RDX: variants seen among roughly 807,000 people sequenced by gnomAD.
RDX encodes the protein deafness, autosomal recessive 24.
A neutral mutation model predicts 83.7 loss-of-function variants in RDX; 32 were observed. The ratio of observed to expected loss-of-function variants is 0.38; its 90% CI spans 0.29 to 0.51. The LOEUF is 0.51. Ranked by LOEUF, RDX falls within the 20% of genes least tolerant of loss-of-function variation. RDX has a pLI of 0.87. For synonymous variants in RDX, 229 were observed against 222.7 expected, an observed-to-expected ratio of 1.03 and a Z score of -0.25; for missense variants, 600 against 689.9, an observed-to-expected ratio of 0.87 and a Z score of 1.46.
At position 110,286,366 on chromosome 11, in the gene RDX, A is replaced by G. The variant is rs377131661; in HGVS notation, c.-64-6610T>C. On this transcript the variant is annotated intron_variant, in intron 1 of 13. Transcript: ENST00000645495. ...AAACACAGTGCCACACATTAGAGAC[A>G]ACATAGACACAATAAACATTCTCTC... 1.8e-4 allele frequency among the ~76,000 whole-genome samples: 27 copies of G among 152,362 alleles called. No individual in the cohort carries two copies. In the East Asian group the frequency reaches 4.0e-3, roughly 23 times the overall value.
At chr11:110,195,249 C>A (rs540929403) in intron 15 of RDX, among the ~76,000 whole-genome samples, 1 of 152,184 alleles carries the variant, frequency 6.6e-6, no homozygotes, top group East Asian at 1.9e-4. Flanking sequence ...CAGACGTGAG[C>A]CACCGTGCCC....
chr11:110,265,480 C>G (rs1409012986), intron 3 of RDX, among the ~76,000 whole-genome samples: 1 of 146,670 alleles, frequency 6.8e-6, no homozygotes, highest in Non-Finnish European at 1.5e-5. Context: ...ATGACCTCAA[C>G]AATAACAAGA....
At chr11:110,269,747 A>C (rs1010738654) in intron 3 of RDX, among the ~76,000 whole-genome samples, 2 of 152,160 alleles carry the variant, frequency 1.3e-5, no homozygotes, top group African/African-American at 4.8e-5. Context: ...AATACTCAAT[A>C]ATCTAGACCA....
intron 1 of RDX, among the ~76,000 whole-genome samples, chr11:110,291,918 G>A (rs1861259260): frequency 6.6e-6 from 1 of 152,130 alleles, no homozygotes; most frequent in Admixed American, 6.5e-5. Flanking sequence ...GTCCAAGGCA[G>A]GAAGTCTGAG....
intron 7 of RDX, among the ~76,000 whole-genome samples, chr11:110,256,338 G>C (rs978601037): frequency 2.6e-5 from 4 of 152,162 alleles, no homozygotes; most frequent in Admixed American, 2.6e-4. Flanking sequence ...AAGCATATTA[G>C]AGGACCCTCT....
intron 2 of RDX, chr11:110,272,901 C>T: frequency 2.1e-6 from 1 of 483,570 alleles, no homozygotes; most frequent in South Asian, 1.6e-5. Context: ...AAAGAGTTTC[C>T]ATTATTCACC....
intron 14 of RDX, among the ~76,000 whole-genome samples, chr11:110,206,644 C>T (rs1002277939): frequency 1.3e-5 from 2 of 152,156 alleles, no homozygotes; most frequent in Non-Finnish European, 2.9e-5. Context: ...TATATTTCTA[C>T]TAGATGCATT....
intron 9 of RDX, among the ~76,000 whole-genome samples, chr11:110,249,878 T>C (rs778961484): frequency 3.0e-4 from 45 of 151,908 alleles, no homozygotes; most frequent in Non-Finnish European, 5.4e-4. Context: ...CCCTGTCAAA[T>C]AGAAAACAAA....
intron 14 of RDX, among the ~76,000 whole-genome samples, chr11:110,223,680 A>G (rs1383093414): frequency 6.6e-6 from 1 of 152,238 alleles, no homozygotes. Context: ...GAAACAATCA[A>G]AAGTAAGAAA....
chr11:110,290,511 GA>G (rs112346277), intron 1 of RDX, among the ~76,000 whole-genome samples: 100 of 142,656 alleles, frequency 7.0e-4, no homozygotes, highest in Admixed American at 1.7e-3. Flanking sequence ...GTCTCAAAAA[GA>G]AAAAAAAAAA....
intron 3 of RDX, among the ~76,000 whole-genome samples, chr11:110,269,337 G>T (rs1375643678): frequency 2.6e-5 from 4 of 152,100 alleles, no homozygotes; most frequent in African/African-American, 4.8e-5. Flanking sequence ...CTCTTTGGGG[G>T]TATGAACACT....
intron 15 of RDX, among the ~76,000 whole-genome samples, chr11:110,193,551 A>G (rs1290713739): frequency 6.6e-6 from 1 of 152,030 alleles, no homozygotes; most frequent in Non-Finnish European, 1.5e-5. Context: ...AAAATAGAAT[A>G]AACTATTTTC....
rs548767098 is a variant in RDX at position 110,269,509 on chromosome 11, T to C, written c.96+3027A>G. 7.9e-4 allele frequency among the ~76,000 whole-genome samples: 120 copies of C among 152,318 alleles called. 2 individuals are homozygous for C. Among genetic ancestry groups the C allele is most frequent in the Non-Finnish European group, 1.2e-3 (81 of 68,034 alleles). ...CAGACATGGGGCTTTACTACACATG[T>C]ACTCATGTAGCTATGTGCTCTCATT... On this transcript the variant is annotated intron_variant, in intron 3 of 13. Transcript: ENST00000645495.
At chr11:110,220,878 T>TAAAAA (rs386374875) in intron 14 of RDX, among the ~76,000 whole-genome samples, 12 of 109,310 alleles carry the variant, frequency 1.1e-4, no homozygotes, top group African/African-American at 3.4e-4. Context: ...ACAGCCTCTG[T>TAAAAA]AAAAAAAAAA....
intron 12 of RDX, among the ~76,000 whole-genome samples, 161 bp downstream of exon 12, chr11:110,235,938 T>A (rs376147377): frequency 5.1e-4 from 78 of 152,346 alleles, no homozygotes; most frequent in African/African-American, 1.9e-3. Context: ...GTTCCCAAAG[T>A]ACTTGGTTTA....
At chr11:110,219,645 G>C (rs1864178404) in intron 14 of RDX, among the ~76,000 whole-genome samples, 1 of 152,158 alleles carries the variant, frequency 6.6e-6, no homozygotes, top group East Asian at 1.9e-4. Flanking sequence ...GATTATGAGA[G>C]AGTCATAGAT....
chr11:110,205,364 C>A (rs1419186844), intron 14 of RDX, among the ~76,000 whole-genome samples: 2 of 149,342 alleles, frequency 1.3e-5, no homozygotes, highest in Non-Finnish European at 1.5e-5. Flanking sequence ...AAGAAAAAAT[C>A]CCCACAAATT....
At chr11:110,250,523 G>T (rs1859287175) in intron 9 of RDX, among the ~76,000 whole-genome samples, 1 of 152,100 alleles carries the variant, frequency 6.6e-6, no homozygotes, top group African/African-American at 2.4e-5. Flanking sequence ...CACCAACTAA[G>T]AGCCTTTCAG....
At chr11:110,270,476 A>G (rs886299542) in intron 3 of RDX, among the ~76,000 whole-genome samples, 1 of 152,226 alleles carries the variant, frequency 6.6e-6, no homozygotes, top group South Asian at 2.1e-4. Flanking sequence ...TATGCGGCAC[A>G]TGACACTGTA....
Sources: allele counts gnomAD v4.1 joint callset (sites outside exome capture counted in the v4.1 genomes callset), GRCh38; gene constraint gnomAD v4.1.1; transcripts MANE v1.5; gene names NCBI Gene and HGNC (gene_info 2026-07-23, HGNC 2026-07-21).